Variants in CCDC60 observed in about 807,000 individuals in gnomAD.
The protein encoded by CCDC60 is coiled-coil domain-containing protein 60.
A neutral mutation model predicts 63.5 loss-of-function variants in CCDC60; 54 were observed. The observed-to-expected ratio is 0.85, with a 90% CI of 0.68 to 1.07. The LOEUF is 1.07. Ranked by LOEUF, CCDC60 falls within the 50% of genes least tolerant of loss-of-function variation. The pLI, the probability that CCDC60 is intolerant of heterozygous loss-of-function variation, is 0.00. For synonymous variants in CCDC60, 206 were observed against 238.8 expected (o/e 0.86, Z 1.27); for missense variants, 651 against 684.3 (o/e 0.95, Z 0.54).
chr12:119,487,012 G>A (rs528987674), intron 4 of CCDC60, among the ~76,000 whole-genome samples: 34 of 152,188 alleles, frequency 2.2e-4, no homozygotes, highest in South Asian at 1.7e-3. Flanking sequence ...TGCGGGGAGG[G>A]GGGTGGCTGG....
chr12:119,397,097 T>C (rs1366970250), intron 1 of CCDC60, among the ~76,000 whole-genome samples: 1 of 151,834 alleles, frequency 6.6e-6, no homozygotes, highest in Non-Finnish European at 1.5e-5. Flanking sequence ...CCCTCCAGAG[T>C]TGTTCATTTC....
At chr12:119,350,137 GA>G (rs1955640315) in intron 1 of CCDC60, among the ~76,000 whole-genome samples, 1 of 152,016 alleles carries the variant, frequency 6.6e-6, no homozygotes. Flanking sequence ...CCCCTATCTT[GA>G]ACCAGGGAGA....
intron 9 of CCDC60, among the ~76,000 whole-genome samples, chr12:119,522,033 G>GGCCT (rs1320075645): frequency 6.6e-6 from 1 of 152,204 alleles, no homozygotes; most frequent in Non-Finnish European, 1.5e-5. Context: ...AAAATGGCCA[G>GGCCT]GCCTGCCTGC....
intron 2 of CCDC60, among the ~76,000 whole-genome samples, chr12:119,463,508 GATA>G (rs1471049224): frequency 6.6e-6 from 1 of 152,234 alleles, no homozygotes; most frequent in Admixed American, 6.5e-5. Context: ...AAATGGAAGT[GATA>G]ATAATAGCAC....
intron 1 of CCDC60, among the ~76,000 whole-genome samples, chr12:119,421,484 C>A (rs1431789973): frequency 1.3e-5 from 2 of 152,164 alleles, no homozygotes; most frequent in Non-Finnish European, 2.9e-5. Context: ...CCAGGCTTTG[C>A]CACTTAATAG....
chr12:119,442,393 G>A (rs1374793526), intron 2 of CCDC60, among the ~76,000 whole-genome samples: 1 of 152,066 alleles, frequency 6.6e-6, no homozygotes, highest in Admixed American at 6.5e-5. Context: ...GGGGTGGATC[G>A]CCTTGAGCCC....
chr12:119,364,344 A>C (rs12708370), intron 1 of CCDC60, among the ~76,000 whole-genome samples: 33,142 of 152,082 alleles, frequency 0.22, 4,475 homozygotes, highest in Middle Eastern at 0.34. Flanking sequence ...TATAGTCCCC[A>C]AAAGACCTCT....
chr12:119,340,570 A>G (rs1263924862), intron 1 of CCDC60, among the ~76,000 whole-genome samples: 2 of 148,906 alleles, frequency 1.3e-5, no homozygotes, highest in Non-Finnish European at 3.0e-5. Flanking sequence ...GGATGTCTCC[A>G]GAGACAGCCT....
intron 1 of CCDC60, among the ~76,000 whole-genome samples, chr12:119,386,718 C>T (rs531831900): frequency 6.6e-6 from 1 of 152,134 alleles, no homozygotes; most frequent in Non-Finnish European, 1.5e-5. Context: ...TTAATGGCCA[C>T]ATGACAGGAG....
chr12:119,514,147 T>A (rs1449051544), intron 7 of CCDC60, among the ~76,000 whole-genome samples: 1 of 151,914 alleles, frequency 6.6e-6, no homozygotes, highest in Non-Finnish European at 1.5e-5. Flanking sequence ...GGCTAATGCG[T>A]GTGTTTGTGG....
chr12:119,472,471 A>G (rs545485333), intron 3 of CCDC60, among the ~76,000 whole-genome samples: 117 of 151,596 alleles, frequency 7.7e-4, no homozygotes, highest in South Asian at 1.0e-3. Context: ...ATACGTGTTT[A>G]TATGCTAGTT....
At chr12:119,450,702 C>T (rs1344392094) in intron 2 of CCDC60, among the ~76,000 whole-genome samples, 2 of 152,028 alleles carry the variant, frequency 1.3e-5, no homozygotes, top group African/African-American at 4.8e-5. Flanking sequence ...ACTAAAAATA[C>T]AAAAATTAGC....
At chr12:119,442,700 C>T (rs1950471865) in intron 2 of CCDC60, among the ~76,000 whole-genome samples, 1 of 152,186 alleles carries the variant, frequency 6.6e-6, no homozygotes. Context: ...TAATAACTAT[C>T]TTTGCATGGA....
At position 119,335,242 on chromosome 12, in the gene CCDC60, T is replaced by G; in HGVS notation, c.66T>G (p.Phe22Leu). 1 of 1,604,524 alleles carries G rather than the reference T, an allele frequency of 6.2e-7. No individual in the cohort carries two copies. Among genetic ancestry groups the G allele is most frequent in the Non-Finnish European group, 8.5e-7 (1 of 1,176,046 alleles). The change falls in exon 1 of 14, where the codon TTT (phenylalanine) becomes TTG (leucine). Residue 22 changes from phenylalanine to leucine, a missense_variant. Physicochemically the swap from Phe to Leu is conservative, Grantham distance 22. Coordinates refer to ENST00000327554, the MANE Select transcript of CCDC60 (RefSeq NM_178499.5). Reference protein sequence around the residue: ...SSPNSGAVRPFYASENLRQVP... With the variant: ...SSPNSGAVRPLYASENLRQVP... ...CCAACTCGGGGGCTGTCCGGCCCTT[T>G]TATGCCTCGGAGAACCTAAGGCAGG...
At chr12:119,359,949 G>A (rs944805615) in intron 1 of CCDC60, among the ~76,000 whole-genome samples, 29 of 151,900 alleles carry the variant, frequency 1.9e-4, no homozygotes, top group African/African-American at 2.7e-4. Flanking sequence ...ACACAGACAC[G>A]GCAACCATCC....
chr12:119,489,532 G>C (rs529247065), intron 5 of CCDC60, among the ~76,000 whole-genome samples: 2 of 152,122 alleles, frequency 1.3e-5, no homozygotes, highest in Non-Finnish European at 2.9e-5. Flanking sequence ...ATAAAAGCTT[G>C]GACGCCACTG....
At chr12:119,505,759 G>A (rs1951981449) in intron 7 of CCDC60, among the ~76,000 whole-genome samples, 1 of 152,148 alleles carries the variant, frequency 6.6e-6, no homozygotes, top group Non-Finnish European at 1.5e-5. Context: ...GGAAGGCTGA[G>A]GCAGGAGAAT....
At chr12:119,384,692 C>T (rs1956042500) in intron 1 of CCDC60, among the ~76,000 whole-genome samples, 1 of 152,196 alleles carries the variant, frequency 6.6e-6, no homozygotes. Flanking sequence ...GGGGCTGGTC[C>T]TGGGAGAGCA....
intron 11 of CCDC60, among the ~76,000 whole-genome samples, chr12:119,526,364 A>G (rs1235663951): frequency 6.6e-6 from 1 of 152,244 alleles, no homozygotes; most frequent in Non-Finnish European, 1.5e-5. Context: ...CAAAGATTTT[A>G]TGACAAAGAC....
Sources: gnomAD v4.1 joint callset for allele counts (sites outside exome capture counted in the v4.1 genomes callset) on GRCh38, gnomAD v4.1.1 for gene constraint, MANE v1.5 for transcripts, NCBI Gene and HGNC (gene_info 2026-07-23, HGNC 2026-07-21) for gene names.